The following TRHDE variants were observed in gnomAD, a reference collection of about 807,000 sequenced individuals.
The protein encoded by TRHDE is thyrotropin-releasing hormone-degrading ectoenzyme.
In TRHDE, 72 loss-of-function variants were observed where a neutral mutation model predicts 125.7. The observed-to-expected ratio is 0.57, with a 90% CI of 0.47 to 0.70. The LOEUF (loss-of-function observed/expected upper bound fraction) is 0.70. Ranked by LOEUF, TRHDE falls within the 30% of genes least tolerant of loss-of-function variation. The pLI, the probability that TRHDE is intolerant of heterozygous loss-of-function variation, is 0.00. For missense variants in TRHDE, 1,110 were observed against 1,327.1 expected, an observed-to-expected ratio of 0.84 and a Z score of 2.54; for synonymous variants, 509 against 509.1, an observed-to-expected ratio of 1.00 and a Z score of 0.00.
At chr12:72,195,289 G>A (rs1212978851) in intron 2 of TRHDE, among the ~76,000 whole-genome samples, 1 of 152,054 alleles carries the variant, frequency 6.6e-6, no homozygotes, top group Non-Finnish European at 1.5e-5. Flanking sequence ...CTGTGTCAAA[G>A]GGTAGTTCTG....
intron 12 of TRHDE, among the ~76,000 whole-genome samples, chr12:72,588,616 ACT>A (rs1323167400): frequency 6.6e-6 from 1 of 152,046 alleles, no homozygotes; most frequent in Non-Finnish European, 1.5e-5. Flanking sequence ...AGGATCACTG[ACT>A]CTGTCTGCTC....
intron 2 of TRHDE, among the ~76,000 whole-genome samples, chr12:72,373,777 G>T (rs540434017): frequency 6.6e-6 from 1 of 152,148 alleles, no homozygotes; most frequent in Admixed American, 6.6e-5. Context: ...TGTTTGAGGA[G>T]TGAAAAGGAA....
chr12:72,655,024 A>G (rs922651501), intron 17 of TRHDE, among the ~76,000 whole-genome samples: 1 of 152,106 alleles, frequency 6.6e-6, no homozygotes, highest in Non-Finnish European at 1.5e-5. Context: ...TTGTTCTTCA[A>G]TCTTCAGGCT....
intron 2 of TRHDE, among the ~76,000 whole-genome samples, chr12:72,199,350 G>A (rs1429827213): frequency 6.6e-6 from 1 of 152,164 alleles, no homozygotes; most frequent in Admixed American, 6.5e-5. Context: ...CTAACTTCCT[G>A]TAATTATAAG....
At chr12:72,651,079 T>C (rs1275100429) in intron 15 of TRHDE, among the ~76,000 whole-genome samples, 2 of 152,140 alleles carry the variant, frequency 1.3e-5, no homozygotes, top group Non-Finnish European at 2.9e-5. Flanking sequence ...TTTGTTTCAT[T>C]AAAAACAAAT....
At chr12:72,309,160 T>C (rs1484789953) in intron 2 of TRHDE, among the ~76,000 whole-genome samples, 1 of 152,174 alleles carries the variant, frequency 6.6e-6, no homozygotes, top group Non-Finnish European at 1.5e-5. Context: ...CCCCAGCAGC[T>C]AGTACACTGA....
chr12:72,590,691 C>T (rs970939796), intron 12 of TRHDE, among the ~76,000 whole-genome samples: 1 of 152,066 alleles, frequency 6.6e-6, no homozygotes, highest in Non-Finnish European at 1.5e-5. Context: ...AATATATTTG[C>T]TGGAAATATC....
intron 2 of TRHDE, among the ~76,000 whole-genome samples, chr12:72,348,124 A>G (rs1229145168): frequency 6.6e-6 from 1 of 151,790 alleles, no homozygotes; most frequent in Non-Finnish European, 1.5e-5. Flanking sequence ...ATATATATGT[A>G]TATACTTATA....
rs533069942 is a variant in TRHDE at position 72,445,012 on chromosome 12, T to C, written c.1316-24746T>C. On this transcript the variant is annotated intron_variant, in intron 3 of 18. Coordinates refer to ENST00000261180, the MANE Select transcript of TRHDE (RefSeq NM_013381.3). ...CCTGCTTAGTTGCTCTCTGTGTTTT[T>C]CTATGTGACCTTTCCAACAAGTACC... Among the ~76,000 whole-genome samples, 3 of 152,074 alleles carry C rather than the reference T, an allele frequency of 2.0e-5. No homozygotes were observed. In the East Asian group the frequency reaches 5.8e-4, roughly 29 times the overall value.
intron 5 of TRHDE, among the ~76,000 whole-genome samples, chr12:72,473,999 A>G (rs1342641067): frequency 6.6e-6 from 1 of 152,126 alleles, no homozygotes. Context: ...AGCGTAGGCG[A>G]TTATGTATAT....
At chr12:72,492,225 C>T (rs1341235837) in intron 5 of TRHDE, among the ~76,000 whole-genome samples, 2 of 151,850 alleles carry the variant, frequency 1.3e-5, no homozygotes, top group East Asian at 1.9e-4. Flanking sequence ...TTTTCACTAG[C>T]TTTTACTTTC....
chr12:72,530,505 C>T (rs531654910), intron 6 of TRHDE, among the ~76,000 whole-genome samples: 8 of 135,592 alleles, frequency 5.9e-5, no homozygotes, highest in Non-Finnish European at 1.2e-4. Context: ...CTTTTCTCAA[C>T]CTCTAAATAC....
chr12:72,424,951 A>G (rs371692017), intron 3 of TRHDE, among the ~76,000 whole-genome samples: 94 of 152,290 alleles, frequency 6.2e-4, no homozygotes, highest in African/African-American at 2.2e-3. Context: ...CTGAAATCAC[A>G]GAAAGGAAAA....
At chr12:72,104,036 G>T (rs1197957706) in intron 1 of TRHDE, among the ~76,000 whole-genome samples, 1 of 152,150 alleles carries the variant, frequency 6.6e-6, no homozygotes, top group African/African-American at 2.4e-5. Flanking sequence ...TGGAGGAGTG[G>T]TTTTCTGGAA....
intron 3 of TRHDE, among the ~76,000 whole-genome samples, chr12:72,385,530 A>G (rs976338295): frequency 6.6e-5 from 10 of 151,938 alleles, no homozygotes; most frequent in Non-Finnish European, 1.2e-4. Flanking sequence ...ATCAGTTATC[A>G]TTTTCTTCAA....
At chr12:72,329,457 A>G (rs529116729) in intron 2 of TRHDE, among the ~76,000 whole-genome samples, 1 of 152,238 alleles carries the variant, frequency 6.6e-6, no homozygotes, top group South Asian at 2.1e-4. Context: ...CATTGAACCC[A>G]TTTTTACCCC....
chr12:72,641,790 C>T (rs1874073105), intron 15 of TRHDE, among the ~76,000 whole-genome samples: 1 of 151,932 alleles, frequency 6.6e-6, no homozygotes, highest in South Asian at 2.1e-4. Context: ...AATACCAATT[C>T]ACTATGATTT....
At chr12:72,352,232 GGA>G (rs1870614011) in intron 2 of TRHDE, among the ~76,000 whole-genome samples, 2 of 149,796 alleles carry the variant, frequency 1.3e-5, no homozygotes, top group Non-Finnish European at 3.0e-5. Flanking sequence ...GAATTTGTTG[GGA>G]GAGAAAAAAA....
chr12:72,501,593 T>TA (rs146303680), intron 6 of TRHDE, among the ~76,000 whole-genome samples: 12 of 152,046 alleles, frequency 7.9e-5, no homozygotes, highest in African/African-American at 9.6e-5. Flanking sequence ...TTCAATTTGC[T>TA]AAAAAAATGT....
Sources: allele counts gnomAD v4.1 joint callset (sites outside exome capture counted in the v4.1 genomes callset), GRCh38; gene constraint gnomAD v4.1.1; transcripts MANE v1.5; gene names NCBI Gene and HGNC (gene_info 2026-07-23, HGNC 2026-07-21).